The following BPHL variants were observed in gnomAD, a reference collection of about 807,000 sequenced individuals.
The protein encoded by BPHL is biphenyl hydrolase like.
In BPHL, 27 loss-of-function variants were observed where a neutral mutation model predicts 31.2. The ratio of observed to expected loss-of-function variants is 0.87; its 90% CI spans 0.64 to 1.19. BPHL has a LOEUF of 1.19. Among genes scored for constraint, BPHL ranks in the 50% most tolerant of loss-of-function variants. The pLI, the probability that BPHL is intolerant of heterozygous loss-of-function variation, is 0.00. For synonymous variants in BPHL, 150 were observed against 146.8 expected (o/e 1.02, Z -0.16); for missense variants, 356 against 375.7 (o/e 0.95, Z 0.43).
At chr6:3,119,364 C>A in intron 1 of BPHL, 2 of 1,573,950 alleles carry the variant, frequency 1.3e-6, no homozygotes, top group Non-Finnish European at 1.7e-6. Flanking sequence ...GCTTGCTGAT[C>A]TCGTACCTTA....
At chr6:3,132,584 A>G (rs1347775803) in intron 4 of BPHL, among the ~76,000 whole-genome samples, 1 of 151,970 alleles carries the variant, frequency 6.6e-6, no homozygotes, top group Non-Finnish European at 1.5e-5. Flanking sequence ...TAATCCCAGC[A>G]CTTTGGGAGG....
intron 6 of BPHL, among the ~76,000 whole-genome samples, chr6:3,151,005 G>A (rs1395799910): frequency 1.3e-5 from 2 of 152,038 alleles, no homozygotes; most frequent in Non-Finnish European, 2.9e-5. Flanking sequence ...AGTGCTGAAC[G>A]GCTAAAAAGA....
chr6:3,138,092 C>G, intron 5 of BPHL: 2 of 915,466 alleles, frequency 2.2e-6, no homozygotes, highest in Non-Finnish European at 1.5e-6. Flanking sequence ...GATCTCAGCT[C>G]ACTGCAATCT....
intron 4 of BPHL, 55 bp downstream of exon 4, chr6:3,129,253 A>G (rs1295644073): frequency 9.4e-6 from 14 of 1,488,314 alleles, no homozygotes; most frequent in South Asian, 2.8e-5. Context: ...CTCTCTCCGC[A>G]TCTCATCTCT....
chr6:3,127,398 A>G lies in BPHL; in HGVS notation c.368A>G (p.Asp123Gly). The change falls in exon 3 of 7, where the codon GAT (aspartate) becomes GGT (glycine). Residue 123 changes from aspartate to glycine, a missense_variant. Transcript: ENST00000380379. ...GAAAGGGATGCAAAAGATGCTGTTG[A>G]TTTGATGAAGGTAGGTCTCTGAGGG... ...FFERDAKDAV[D>G]LMKALKFKKV... The G allele has an allele frequency of 6.2e-7, 1 of 1,604,494 alleles. No individual in the cohort carries two copies. Among genetic ancestry groups the G allele is most frequent in the African/African-American group, 1.3e-5 (1 of 74,726 alleles).
chr6:3,126,585 CCTT>C (rs1761717484), intron 2 of BPHL, among the ~76,000 whole-genome samples: 1 of 147,950 alleles, frequency 6.8e-6, no homozygotes, highest in East Asian at 1.9e-4. Flanking sequence ...AAGCGCGCCT[CCTT>C]TTTTTTTTTT....
At chr6:3,143,903 G>T (rs1323016935) in intron 6 of BPHL, among the ~76,000 whole-genome samples, 1 of 152,198 alleles carries the variant, frequency 6.6e-6, no homozygotes, top group African/African-American at 2.4e-5. Context: ...CCTCTCGCCT[G>T]CGGCCCTTCT....
intron 6 of BPHL, among the ~76,000 whole-genome samples, chr6:3,146,147 TGGAGTG>T (rs1762345314): frequency 3.4e-5 from 1 of 29,488 alleles, no homozygotes; most frequent in African/African-American, 4.5e-4. Context: ...TGGTTCGGGT[TGGAGTG>T]CTGGTTCGGG....
chr6:3,127,884 A>G (rs1006670493), intron 3 of BPHL, among the ~76,000 whole-genome samples: 6 of 150,978 alleles, frequency 4.0e-5, no homozygotes, highest in African/African-American at 1.5e-4. Context: ...GCGGTGGCGC[A>G]ATCTTGGCTC....
intron 1 of BPHL, chr6:3,119,650 CCCTA>C: frequency 8.3e-7 from 1 of 1,204,056 alleles, no homozygotes; most frequent in Non-Finnish European, 1.2e-6. Flanking sequence ...CTACATACAT[CCCTA>C]CACACATGCA....
intron 1 of BPHL, among the ~76,000 whole-genome samples, chr6:3,122,480 G>C (rs1206852517): frequency 6.6e-6 from 1 of 152,188 alleles, no homozygotes; most frequent in African/African-American, 2.4e-5. Flanking sequence ...GGGGCCGTCT[G>C]TGTGCCCCAC....
chr6:3,146,540 C>CGGGGTG (rs200749851), intron 6 of BPHL, among the ~76,000 whole-genome samples: 3 of 1,094 alleles, frequency 2.7e-3, no homozygotes, highest in Admixed American at 0.011. Flanking sequence ...TGGTTTGGGT[C>CGGGGTG]GAGTGCTGGT....
In BPHL at chr6:3,121,967, AG is replaced by A. The variant is rs1306706430; in HGVS notation, c.108-1687del. 3.9e-5 allele frequency among the ~76,000 whole-genome samples: 6 copies of A among 152,282 alleles called. No individual in the cohort carries two copies. The South Asian group carries it at 1.0e-3, about 26-fold the overall frequency. ...CTGTGTTTCAGTTATCCTTTGACTA[AG>A]GGCAGAGGTAGGAGTAGAGAGTATG... On this transcript the variant is annotated intron_variant, in intron 1 of 6. Coordinates refer to ENST00000380379, the MANE Select transcript of BPHL (RefSeq NM_004332.4).
At chr6:3,146,669 GTTTGGAGTGCTGGTTCCA>G (rs1762385609) in intron 6 of BPHL, among the ~76,000 whole-genome samples, 1 of 146,712 alleles carries the variant, frequency 6.8e-6, no homozygotes. Context: ...TGCTGGTGTG[GTTTGGAGTGCTGGTTCCA>G]GTTGAGTGCT....
Position 3,140,668 on chromosome 6 carries a change from G to A in BPHL, c.788+159G>A, listed in dbSNP as rs756434702. Among the ~76,000 whole-genome samples the A allele has an allele frequency of 1.2e-4, 18 of 152,134 alleles. No homozygotes were observed. Among genetic ancestry groups the A allele is most frequent in the Admixed American group, 3.3e-4 (5 of 15,274 alleles). ...AGCACCGCTTTATTTAGGGTACCAC[G>A]GAAGAGAGAAGCCCTGAACTGTGGG... On this transcript the variant is annotated intron_variant, in intron 6 of 6. Transcript: ENST00000380379. The surrounding 1 kb of genome is among the most constrained non-coding windows in gnomAD (Gnocchi z 5.2).
Position 3,118,809 on chromosome 6 carries a change from G to T in BPHL, c.69G>T (p.Gly23=), listed in dbSNP as rs1173056355. Residue 23 remains glycine, a synonymous_variant, in exon 1 of 7, where the codon GGG becomes GGT. Coordinates refer to ENST00000380379, the MANE Select transcript of BPHL (RefSeq NM_004332.4). ...LRLLLSALKP[G]IHVPRAGPAA... is the part of the protein sequence containing the mutation. Reference sequence around the variant, plus strand: ...TGCTTCTCTCAGCGCTGAAGCCCGGGATCCACGTCCCACGGGCCGGACCCG... The same window carrying T: ...TGCTTCTCTCAGCGCTGAAGCCCGGTATCCACGTCCCACGGGCCGGACCCG... 1 of 1,245,218 alleles carries T rather than the reference G, an allele frequency of 8.0e-7. No homozygotes were observed. The highest frequency in any genetic ancestry group is 4.2e-5 in the Admixed American group (1 of 23,740). The allele number at this position is 1,245,218 out of a possible 1,614,324, so 77.1% of individuals were successfully genotyped here. A position where few individuals can be genotyped will look rare whatever the true frequency, so the allele number is the denominator to read the frequency against.
Position 3,129,098 on chromosome 6 carries a change from C to A in BPHL, c.432C>A (p.Thr144=). ...SLLGWSDGGI[T]ALIAAAKYPS... is the part of the protein sequence containing the mutation. ...TGGGGTGGAGTGATGGGGGCATAAC[C>A]GCACTCATTGCTGCTGCAAAATATC... The change falls in exon 4 of 7, where the codon ACC becomes ACA. Residue 144 remains threonine, a synonymous_variant. Coordinates refer to ENST00000380379, the MANE Select transcript of BPHL (RefSeq NM_004332.4). 6.2e-7 allele frequency: 1 copy of A among 1,613,946 alleles called. No individual in the cohort carries two copies. Among genetic ancestry groups the A allele is most frequent in the Non-Finnish European group, 8.5e-7 (1 of 1,179,946 alleles).
intron 2 of BPHL, among the ~76,000 whole-genome samples, chr6:3,126,122 T>G (rs1049196684): frequency 2.6e-5 from 4 of 152,242 alleles, no homozygotes; most frequent in Non-Finnish European, 5.9e-5. Flanking sequence ...CATACTGTTC[T>G]GATGAAACTG....
chr6:3,135,647 C>T (rs1178503223), intron 4 of BPHL, among the ~76,000 whole-genome samples: 3 of 152,160 alleles, frequency 2.0e-5, no homozygotes, highest in Non-Finnish European at 4.4e-5. Flanking sequence ...CTCGTCTTTC[C>T]ATCTTCCTTA....
Sources: gnomAD v4.1 joint callset for allele counts (sites outside exome capture counted in the v4.1 genomes callset) on GRCh38, gnomAD v4.1.1 for gene constraint, Gnocchi (gnomAD v3.1) non-coding constraint, MANE v1.5 for transcripts, NCBI Gene and HGNC (gene_info 2026-07-23, HGNC 2026-07-21) for gene names.